ZC2HC1A: variants seen among roughly 807,000 people sequenced by gnomAD.
ZC2HC1A encodes zinc finger C2HC domain-containing protein 1A.
A neutral mutation model predicts 40.7 loss-of-function variants in ZC2HC1A; 28 were observed. The observed-to-expected ratio is 0.69, with a 90% CI of 0.51 to 0.94. ZC2HC1A has a LOEUF of 0.94. Among genes scored for constraint, ZC2HC1A ranks in the 40% least tolerant of loss-of-function variants. The pLI is 0.00. For missense variants in ZC2HC1A, 389 were observed against 386.3 expected (o/e 1.01, Z -0.06); for synonymous variants, 129 against 129.2 (o/e 1.00, Z 0.01).
intron 3 of ZC2HC1A, among the ~76,000 whole-genome samples, chr8:78,680,830 G>T (rs922971712): frequency 6.6e-5 from 10 of 152,304 alleles, no homozygotes; most frequent in Admixed American, 6.5e-4. Context: ...AAAGGTGAGA[G>T]ATCTTATCAG....
intron 4 of ZC2HC1A, among the ~76,000 whole-genome samples, chr8:78,688,873 A>G (rs995933459): frequency 7.9e-5 from 12 of 152,118 alleles, no homozygotes; most frequent in Non-Finnish European, 1.3e-4. Context: ...CTAGTCTGCT[A>G]TATAAAGTAT....
chr8:78,697,573 T>C, intron 6 of ZC2HC1A, 67 bp downstream of exon 6: 1 of 1,164,304 alleles, frequency 8.6e-7, no homozygotes, highest in Non-Finnish European at 1.3e-6. Context: ...GAAATAAAGA[T>C]AGTGGTCTAT....
intron 7 of ZC2HC1A, among the ~76,000 whole-genome samples, chr8:78,709,904 A>G (rs1159927738): frequency 6.6e-6 from 1 of 152,120 alleles, no homozygotes; most frequent in East Asian, 1.9e-4. Context: ...TCTTTTCCCA[A>G]TATTATTTCA....
At chr8:78,682,330 G>C (rs1453711732) in intron 3 of ZC2HC1A, among the ~76,000 whole-genome samples, 1 of 151,936 alleles carries the variant, frequency 6.6e-6, no homozygotes. Flanking sequence ...CTGCTATTAA[G>C]AAATATCGGA....
At chr8:78,715,017 A>G (rs1811056104) in intron 7 of ZC2HC1A, among the ~76,000 whole-genome samples, 1 of 152,190 alleles carries the variant, frequency 6.6e-6, no homozygotes, top group Admixed American at 6.5e-5. Context: ...TACTATCAGA[A>G]TAGTATTAGT....
At chr8:78,694,605 C>T (rs1810337679) in intron 5 of ZC2HC1A, among the ~76,000 whole-genome samples, 1 of 152,124 alleles carries the variant, frequency 6.6e-6, no homozygotes, top group South Asian at 2.1e-4. Flanking sequence ...ATTTGACATT[C>T]AGTGCTTTTA....
At chr8:78,669,927 T>C (rs895104852) in intron 1 of ZC2HC1A, among the ~76,000 whole-genome samples, 1 of 152,044 alleles carries the variant, frequency 6.6e-6, no homozygotes, top group African/African-American at 2.4e-5. Flanking sequence ...CAAATACTTA[T>C]TGAATCAAGG....
Position 78,677,413 on chromosome 8 carries a change from G to A in ZC2HC1A, c.94-1150G>A, listed in dbSNP as rs1466092196. On this transcript the variant is annotated intron_variant, in intron 2 of 8. Coordinates refer to ENST00000263849, the MANE Select transcript of ZC2HC1A (RefSeq NM_016010.3). ...GATAAGCTCAAGAAAAATCTTAGGC[G>A]AAGAAAACTGCAAAGTTTGAGTTCC... Among the ~76,000 whole-genome samples the A allele has an allele frequency of 4.6e-5, 7 of 151,902 alleles. No individual in the cohort carries two copies. In the South Asian group the frequency reaches 6.2e-4, roughly 14 times the overall value.
In ZC2HC1A at chr8:78,698,397, T is replaced by A. The variant is rs1040699106; in HGVS notation, c.605-17T>A. 1.9e-6 allele frequency: 3 copies of A among 1,591,702 alleles called. No individual in the cohort carries two copies. The highest frequency in any genetic ancestry group is 2.6e-6 in the Non-Finnish European group (3 of 1,165,778). ...TTTTTTAGAGTATTGTTAAAAATAA[T>A]GCTTTTTTATTATAAGGTGTTCCTT... On this transcript the variant is annotated splice_polypyrimidine_tract_variant and intron_variant, in intron 6 of 8. Coordinates refer to ENST00000263849, the MANE Select transcript of ZC2HC1A (RefSeq NM_016010.3).
intron 3 of ZC2HC1A, among the ~76,000 whole-genome samples, chr8:78,683,098 GCTTT>G (rs1225778170): frequency 6.6e-6 from 1 of 152,190 alleles, no homozygotes; most frequent in Non-Finnish European, 1.5e-5. Flanking sequence ...CCTCCTGGCT[GCTTT>G]CTTGGGCTGG....
chr8:78,675,703 A>G, intron 1 of ZC2HC1A, 84 bp from the exon 2 acceptor site: 3 of 1,282,460 alleles, frequency 2.3e-6, no homozygotes, highest in East Asian at 2.5e-5. Flanking sequence ...TAATTTACCT[A>G]TAAAACTAAG....
At chr8:78,703,367 A>AGT (rs1810668770) in intron 7 of ZC2HC1A, among the ~76,000 whole-genome samples, 1 of 152,108 alleles carries the variant, frequency 6.6e-6, no homozygotes, top group Non-Finnish European at 1.5e-5. Flanking sequence ...TAATATTGTC[A>AGT]GTGAGGTGTT....
At chr8:78,669,037 G>T (rs1012549751) in intron 1 of ZC2HC1A, among the ~76,000 whole-genome samples, 4 of 151,924 alleles carry the variant, frequency 2.6e-5, no homozygotes, top group African/African-American at 9.7e-5. Context: ...TTGCTCTTCA[G>T]TGTAGCCCTT....
chr8:78,717,584 C>T lies in ZC2HC1A; in HGVS notation c.*91C>T, dbSNP rs1432257989. On this transcript the variant is annotated 3_prime_UTR_variant, in exon 9 of 9. Transcript: ENST00000263849. ...GAGCACATCCTCTAGTTAGTTTGTG[C>T]TAAAAATACTCGAAATACCATTTCC... The T allele has an allele frequency of 2.9e-6, 4 of 1,356,164 alleles. No homozygotes were observed. Among genetic ancestry groups the T allele is most frequent in the Non-Finnish European group, 4.0e-6 (4 of 1,006,672 alleles). 84.0% of individuals were successfully genotyped at this position (1,356,164 alleles called of 1,614,324 possible). A position where few individuals can be genotyped will look rare whatever the true frequency, so the allele number is the denominator to read the frequency against.
chr8:78,716,512 A>G (rs989037581), intron 8 of ZC2HC1A, among the ~76,000 whole-genome samples: 1 of 152,132 alleles, frequency 6.6e-6, no homozygotes, highest in African/African-American at 2.4e-5. Flanking sequence ...ATTTAATATC[A>G]TTAAATAATA....
chr8:78,678,732 A>T (rs1809667125), intron 3 of ZC2HC1A, 53 bp downstream of exon 3: 1 of 1,240,394 alleles, frequency 8.1e-7, no homozygotes, highest in South Asian at 1.5e-5. Flanking sequence ...GTATGTTGAA[A>T]AATATTATAT....
intron 7 of ZC2HC1A, among the ~76,000 whole-genome samples, chr8:78,707,356 C>G (rs951544936): frequency 1.3e-5 from 2 of 152,138 alleles, no homozygotes; most frequent in Non-Finnish European, 2.9e-5. Context: ...AGGCGCTGAC[C>G]TTGGAGTTAG....
chr8:78,694,126 G>T (rs569257299), intron 5 of ZC2HC1A, among the ~76,000 whole-genome samples: 1 of 151,968 alleles, frequency 6.6e-6, no homozygotes, highest in South Asian at 2.1e-4. Flanking sequence ...CTTGCAGTTG[G>T]CTGGCTATTT....
chr8:78,676,966 C>G (rs1199965190), intron 2 of ZC2HC1A, among the ~76,000 whole-genome samples: 1 of 152,004 alleles, frequency 6.6e-6, no homozygotes, highest in Non-Finnish European at 1.5e-5. Flanking sequence ...CATGGGTCCA[C>G]TAGATAGTCA....
Sources: allele counts gnomAD v4.1 joint callset (sites outside exome capture counted in the v4.1 genomes callset), GRCh38; gene constraint gnomAD v4.1.1; transcripts MANE v1.5; gene names NCBI Gene and HGNC (gene_info 2026-07-23, HGNC 2026-07-21).